Variants in COBLL1 observed in about 807,000 individuals in gnomAD.
COBLL1 encodes the protein cordon-bleu WH2 repeat protein like 1.
A neutral mutation model predicts 94.8 loss-of-function variants in COBLL1; 50 were observed. The ratio of observed to expected loss-of-function variants is 0.53; its 90% CI spans 0.42 to 0.67. The LOEUF is 0.67. Among genes scored for constraint, COBLL1 ranks in the 30% least tolerant of loss-of-function variants. The probability of loss-of-function intolerance (pLI) is 0.00; values close to 1 mark genes in which losing one functional copy is unlikely to be tolerated. For missense variants in COBLL1, 1,362 were observed against 1,348.7 expected (o/e 1.01, Z -0.15); for synonymous variants, 448 against 473.8 (o/e 0.95, Z 0.71).
intron 3 of COBLL1, among the ~76,000 whole-genome samples, chr2:164,736,049 G>T (rs934343130): frequency 2.6e-5 from 4 of 151,824 alleles, no homozygotes; most frequent in African/African-American, 9.7e-5. Context: ...TTTTCTAGAG[G>T]GCTGATTTTT....
chr2:164,667,977 C>A (rs1184823293), intron 1 of COBLL1, among the ~76,000 whole-genome samples: 1 of 147,552 alleles, frequency 6.8e-6, no homozygotes, highest in African/African-American at 2.5e-5. Context: ...TGGAGTCTCA[C>A]TCTATCGCCC....
At chr2:164,715,883 C>T (rs753950768) in intron 7 of COBLL1, among the ~76,000 whole-genome samples, 3 of 152,066 alleles carry the variant, frequency 2.0e-5, no homozygotes, top group Non-Finnish European at 2.9e-5. Flanking sequence ...GTGCCATCCC[C>T]GTAGCCAGGA....
intron 2 of COBLL1, among the ~76,000 whole-genome samples, chr2:164,814,884 G>A (rs1472471562): frequency 6.6e-6 from 1 of 152,104 alleles, no homozygotes; most frequent in Non-Finnish European, 1.5e-5. Flanking sequence ...CTAATTATAT[G>A]CAACAAAGGA....
At chr2:164,744,002 G>T in intron 2 of COBLL1, 127 bp from the exon 3 acceptor site, 1 of 668,858 alleles carries the variant, frequency 1.5e-6, no homozygotes, top group Non-Finnish European at 2.3e-6. Context: ...GTTCTACAAT[G>T]TTAACTGTTA....
At chr2:164,710,484 A>C (rs931915556) in intron 7 of COBLL1, among the ~76,000 whole-genome samples, 3 of 152,290 alleles carry the variant, frequency 2.0e-5, no homozygotes, top group African/African-American at 7.2e-5. Context: ...AGTAATACAC[A>C]TCATGAATTT....
At chr2:164,676,272 T>C (rs565744944), downstream of COBLL1, among the ~76,000 whole-genome samples, 11 of 152,204 alleles carry the variant, frequency 7.2e-5, no homozygotes, top group Admixed American at 7.2e-4. Context: ...TGGTACTCCT[T>C]TCACTAAACA....
At chr2:164,678,907 G>A (rs1306895598), downstream of COBLL1, among the ~76,000 whole-genome samples, 1 of 152,032 alleles carries the variant, frequency 6.6e-6, no homozygotes, top group African/African-American at 2.4e-5. Flanking sequence ...AATGGTCAAC[G>A]CATGTTCATC....
At chr2:164,840,905 G>A (rs1683566919) in intron 2 of COBLL1, 2 of 382,648 alleles carry the variant, frequency 5.2e-6, no homozygotes, top group Non-Finnish European at 9.2e-6. Context: ...CCAATTCCTG[G>A]CATTCAGCTG....
At chr2:164,732,133 C>T (rs527906079) in intron 3 of COBLL1, among the ~76,000 whole-genome samples, 37 of 152,160 alleles carry the variant, frequency 2.4e-4, no homozygotes, top group African/African-American at 8.9e-4. Flanking sequence ...AAGTAGCACC[C>T]TATTACTTGT....
At chr2:164,686,336 T>G (rs1683285304) in intron 13 of COBLL1, among the ~76,000 whole-genome samples, 1 of 152,074 alleles carries the variant, frequency 6.6e-6, no homozygotes, top group South Asian at 2.1e-4. Flanking sequence ...TTAAAGAGCA[T>G]TTTTAGCTAG....
Position 164,728,317 on chromosome 2 carries a change from C to T in COBLL1, c.433-120G>A, listed in dbSNP as rs190300678. 1.4e-3 allele frequency: 880 copies of T among 613,956 alleles called. 3 individuals carry two copies. Among genetic ancestry groups the T allele is most frequent in the Non-Finnish European group, 2.2e-3 (801 of 357,920 alleles). The allele number at this position is 613,956 out of a possible 1,614,324, so 38.0% of individuals were successfully genotyped here. ...TATTCAAACAATAAACAGTACTTTC[C>T]TATTTGGTGTGAAATTCTCTTTTTG... On this transcript the variant is annotated intron_variant, in intron 4 of 13. Transcript: ENST00000652658.
chr2:164,767,475 T>C (rs940422382), intron 2 of COBLL1, among the ~76,000 whole-genome samples: 2 of 152,188 alleles, frequency 1.3e-5, no homozygotes, highest in Non-Finnish European at 2.9e-5. Context: ...TAACTTAAGA[T>C]GCACAGATGT....
intron 2 of COBLL1, among the ~76,000 whole-genome samples, chr2:164,840,182 G>C (rs923070163): frequency 6.6e-6 from 1 of 152,090 alleles, no homozygotes; most frequent in African/African-American, 2.4e-5. Flanking sequence ...TGACAACGTC[G>C]ATTTTTCCTT....
In COBLL1 at chr2:164,767,936, G is replaced by T. The variant is rs374778700; in HGVS notation, c.42-24061C>A. On this transcript the variant is annotated intron_variant, in intron 2 of 13. Transcript: ENST00000652658. ...TGAAGAAATATAACTGGCATGAGAA[G>T]GTGAACTAGAAATTACCCTACTGGT... Among the ~76,000 whole-genome samples, 43 of 152,258 alleles carry T rather than the reference G, an allele frequency of 2.8e-4. 1 individual carries two copies. In the South Asian group the frequency reaches 5.4e-3, roughly 19 times the overall value.
chr2:164,676,369 C>A (rs1309433946), downstream of COBLL1, among the ~76,000 whole-genome samples: 2 of 152,048 alleles, frequency 1.3e-5, no homozygotes, highest in Non-Finnish European at 2.9e-5. Flanking sequence ...TAGCTAAAAC[C>A]TGACCTTTAT....
intron 3 of COBLL1, among the ~76,000 whole-genome samples, chr2:164,741,363 C>A (rs563118675): frequency 6.6e-6 from 1 of 151,894 alleles, no homozygotes; most frequent in South Asian, 2.1e-4. Context: ...ATAAGGTATC[C>A]CAATCTCCAG....
intron 7 of COBLL1, among the ~76,000 whole-genome samples, chr2:164,716,668 T>A (rs974851608): frequency 6.6e-6 from 1 of 152,208 alleles, no homozygotes; most frequent in Non-Finnish European, 1.5e-5. Context: ...TTTGCTAACT[T>A]GGATCTTTGC....
intron 7 of COBLL1, among the ~76,000 whole-genome samples, chr2:164,709,091 T>C (rs142917104): frequency 6.6e-6 from 1 of 152,316 alleles, no homozygotes; most frequent in African/African-American, 2.4e-5. Context: ...AGAATAACCA[T>C]AGACTCATAT....
intron 2 of COBLL1, among the ~76,000 whole-genome samples, chr2:164,817,034 C>A (rs1684787664): frequency 6.6e-6 from 1 of 152,138 alleles, no homozygotes; most frequent in Admixed American, 6.6e-5. Flanking sequence ...GCTATATGAA[C>A]TGAAGTTAAG....
Sources: gnomAD v4.1 joint callset for allele counts (sites outside exome capture counted in the v4.1 genomes callset) on GRCh38, gnomAD v4.1.1 for gene constraint, MANE v1.5 for transcripts, NCBI Gene and HGNC (gene_info 2026-07-23, HGNC 2026-07-21) for gene names.